Variants in HELZ observed in about 807,000 individuals in gnomAD.
HELZ encodes the protein helicase with zinc finger, also known as ATP-dependent RNA helicase with zinc finger domain.
HELZ carries 23 observed loss-of-function variants against 218.2 expected under a neutral mutation model. That is an observed-to-expected ratio of 0.11 (90% confidence interval 0.08 to 0.15). The LOEUF (loss-of-function observed/expected upper bound fraction) is 0.15, where lower values mean the gene tolerates loss of function less well. Ranked by LOEUF, HELZ falls within the 10% of genes least tolerant of loss-of-function variation. HELZ has a pLI of 1.00. For missense variants in HELZ, 1,813 were observed against 2,353.7 expected (o/e 0.77, Z 4.75); for synonymous variants, 814 against 829.4 (o/e 0.98, Z 0.32).
chr17:67,210,636 A>C (rs1235713094), intron 5 of HELZ, among the ~76,000 whole-genome samples: 1 of 152,164 alleles, frequency 6.6e-6, no homozygotes, highest in Middle Eastern at 3.2e-3. Flanking sequence ...TTTAGTGTAA[A>C]AAAATGGCCG....
chr17:67,143,590 CAA>C (rs1221274495), intron 21 of HELZ, among the ~76,000 whole-genome samples: 2 of 149,038 alleles, frequency 1.3e-5, no homozygotes, highest in African/African-American at 5.0e-5. Flanking sequence ...GCCTGGATGA[CAA>C]AGAGAGACTC....
intron 18 of HELZ, chr17:67,150,267 C>G (rs2038642768): frequency 4.1e-6 from 1 of 244,788 alleles, no homozygotes; most frequent in Non-Finnish European, 7.8e-6. Context: ...GTAGCTGAGA[C>G]TACGGGCATA....
At chr17:67,153,280 T>C (rs1169998889) in intron 17 of HELZ, among the ~76,000 whole-genome samples, 2 of 152,114 alleles carry the variant, frequency 1.3e-5, no homozygotes, top group Non-Finnish European at 2.9e-5. Flanking sequence ...CAGGAAAGGA[T>C]GAGAGCTCGT....
chr17:67,177,907 C>T (rs2039505540), intron 13 of HELZ, among the ~76,000 whole-genome samples: 1 of 152,018 alleles, frequency 6.6e-6, no homozygotes, highest in Non-Finnish European at 1.5e-5. Flanking sequence ...AACCATAAGG[C>T]ATCCTGGAGA....
At chr17:67,240,837 G>A (rs1036391596) in intron 2 of HELZ, among the ~76,000 whole-genome samples, 1 of 152,198 alleles carries the variant, frequency 6.6e-6, no homozygotes. Flanking sequence ...AAGTTGGTAT[G>A]ACTGTTGGTA....
chr17:67,238,467 A>ATCACCTGAGT, intron 3 of HELZ, among the ~76,000 whole-genome samples: 2 of 151,768 alleles, frequency 1.3e-5, no homozygotes, highest in Non-Finnish European at 2.9e-5. Context: ...GGATCACCTG[A>ATCACCTGAGT]GGTCAGGGGT....
upstream of HELZ, chr17:67,245,644 C>T (rs572360777): frequency 5.3e-5 from 25 of 474,026 alleles, no homozygotes; most frequent in Non-Finnish European, 6.9e-5. Flanking sequence ...GGGTCGCCTT[C>T]AGAGGCCGCG....
intron 32 of HELZ, among the ~76,000 whole-genome samples, chr17:67,081,365 C>G (rs867250895): frequency 6.6e-6 from 1 of 152,184 alleles, no homozygotes; most frequent in Non-Finnish European, 1.5e-5. Context: ...GAATGGGAAG[C>G]ATTTCCTCAT....
At position 67,076,393 on chromosome 17, in the gene HELZ, G is replaced by A. The variant is rs1043944403; in HGVS notation, c.*1859C>T. On this transcript the variant is annotated 3_prime_UTR_variant, in exon 33 of 33. Transcript: ENST00000358691. ...GGTGATCTGACATCATACAGAGAAAGAGTGGTGCTGTAACTTGCCGGCTCA... is the reference window on the plus strand; with the variant it reads ...GGTGATCTGACATCATACAGAGAAAAAGTGGTGCTGTAACTTGCCGGCTCA... 2 of 152,226 alleles carry A rather than the reference G, an allele frequency of 1.3e-5. No homozygotes were observed. The highest frequency in any genetic ancestry group is 4.8e-5 in the African/African-American group (2 of 41,466). The allele number at this position is 152,226 out of a possible 1,614,324, so 9.4% of individuals were successfully genotyped here.
chr17:67,223,062 AC>A (rs2040792289), intron 3 of HELZ, among the ~76,000 whole-genome samples: 1 of 148,398 alleles, frequency 6.7e-6, no homozygotes, highest in Non-Finnish European at 1.5e-5. Flanking sequence ...CCTGGCTAAC[AC>A]GGTGAAACCC....
At chr17:67,236,186 T>C (rs560412274) in intron 3 of HELZ, among the ~76,000 whole-genome samples, 1 of 152,320 alleles carries the variant, frequency 6.6e-6, no homozygotes, top group East Asian at 1.9e-4. Flanking sequence ...ATAAAGAGGC[T>C]CAAATAGTTA....
intron 17 of HELZ, among the ~76,000 whole-genome samples, chr17:67,152,296 T>C (rs572114044): frequency 1.4e-4 from 22 of 152,238 alleles, no homozygotes; most frequent in African/African-American, 4.8e-4. Flanking sequence ...CAATACAAGT[T>C]GGCTCCAACA....
rs1598154640 is a variant in HELZ, at chr17:67,073,089, A to G, written c.*5163T>C. ...AAATCTTAAAACAGGACAGATCTGT[A>G]AATAGTACTATGTGACTTCTACTCT... On this transcript the variant is annotated 3_prime_UTR_variant, in exon 33 of 33. Transcript: ENST00000358691. 2 of 152,222 alleles carry G rather than the reference A, an allele frequency of 1.3e-5. No individual in the cohort carries two copies. Among genetic ancestry groups the G allele is most frequent in the East Asian group, 3.8e-4 (2 of 5,198 alleles). The allele number at this position is 152,222 out of a possible 1,614,324, so 9.4% of individuals were successfully genotyped here.
At chr17:67,086,625 A>AATATAAATAT (rs1213399281) in intron 32 of HELZ, among the ~76,000 whole-genome samples, 1 of 38,546 alleles carries the variant, frequency 2.6e-5, no homozygotes, top group Non-Finnish European at 4.6e-5. Context: ...AATAAATATA[A>AATATAAATAT]ATATAAATAT....
At chr17:67,132,792 T>C (rs1275732784) in intron 23 of HELZ, among the ~76,000 whole-genome samples, 1 of 152,224 alleles carries the variant, frequency 6.6e-6, no homozygotes, top group Non-Finnish European at 1.5e-5. Context: ...AAAGAATATG[T>C]AACTGATTGA....
intron 28 of HELZ, among the ~76,000 whole-genome samples, chr17:67,111,910 C>T (rs756447795): frequency 3.9e-5 from 6 of 152,128 alleles, no homozygotes; most frequent in Non-Finnish European, 5.9e-5. Context: ...ATAGTTTGGT[C>T]ACATGAAGGA....
At chr17:67,221,818 G>T (rs199900013) in intron 3 of HELZ, among the ~76,000 whole-genome samples, 6 of 147,684 alleles carry the variant, frequency 4.1e-5, no homozygotes, top group South Asian at 4.4e-4. Flanking sequence ...AAAGTTTTTT[G>T]TTGTTGTTGT....
chr17:67,091,383 A>C (rs533154834), intron 31 of HELZ, among the ~76,000 whole-genome samples: 13 of 152,278 alleles, frequency 8.5e-5, no homozygotes, highest in African/African-American at 2.9e-4. Flanking sequence ...CCCTTTCTAC[A>C]TAGACTATAT....
At chr17:67,136,900 C>T (rs1182006712) in intron 22 of HELZ, among the ~76,000 whole-genome samples, 1 of 151,988 alleles carries the variant, frequency 6.6e-6, no homozygotes, top group East Asian at 1.9e-4. Flanking sequence ...GAACTTAATG[C>T]CACAGAACTT....
Sources: gnomAD v4.1 joint callset for allele counts (sites outside exome capture counted in the v4.1 genomes callset) on GRCh38, gnomAD v4.1.1 for gene constraint, MANE v1.5 for transcripts, NCBI Gene and HGNC (gene_info 2026-07-23, HGNC 2026-07-21) for gene names.